Variants in ZC3H11A observed in about 807,000 individuals in gnomAD.
ZC3H11A encodes zinc finger CCCH domain-containing protein 11A.
Under a neutral mutation model 90.8 loss-of-function variants are expected in ZC3H11A, and 22 were observed. The ratio of observed to expected loss-of-function variants is 0.24; its 90% CI spans 0.17 to 0.35. ZC3H11A has a LOEUF of 0.35. Ranked by LOEUF, ZC3H11A falls within the 10% of genes least tolerant of loss-of-function variation. The pLI, the probability that ZC3H11A is intolerant of heterozygous loss-of-function variation, is 1.00. For synonymous variants in ZC3H11A, 294 were observed against 339.8 expected, an observed-to-expected ratio of 0.87 and a Z score of 1.48; for missense variants, 701 against 964.9, an observed-to-expected ratio of 0.73 and a Z score of 3.62.
At position 203,831,704 on chromosome 1, in the gene ZC3H11A, C is replaced by T. The variant is rs144917996; in HGVS notation, c.744C>T (p.Pro248=). The T allele has an allele frequency of 2.9e-4, 463 of 1,613,218 alleles. No homozygotes were observed. In the African/African-American group the frequency reaches 5.2e-3, roughly 18 times the overall value. The change falls in exon 9 of 18, where the codon CCC becomes CCT. Residue 248 remains proline, a synonymous_variant. Coordinates refer to ENST00000367210, the MANE Select transcript of ZC3H11A (RefSeq NM_001376342.1). The part of the protein sequence containing the change: ...GVSSLLLHPE[P]VPGPEKENVR... Reference sequence around the variant, plus strand: ...CCAGTCTTTTACTCCACCCTGAGCCCGTTCCAGGTCCTGAAAAAGAAAATG... The same window carrying T: ...CCAGTCTTTTACTCCACCCTGAGCCTGTTCCAGGTCCTGAAAAAGAAAATG...
At chr1:203,844,045 C>G (rs59665117) in intron 12 of ZC3H11A, among the ~76,000 whole-genome samples, 2 of 151,870 alleles carry the variant, frequency 1.3e-5, no homozygotes, top group African/African-American at 4.8e-5. Context: ...TTAGTAGAAA[C>G]GGGGCTTCTC....
intron 4 of ZC3H11A, among the ~76,000 whole-genome samples, chr1:203,820,273 CAT>C (rs1248897158): frequency 2.6e-5 from 4 of 151,364 alleles, no homozygotes; most frequent in African/African-American, 9.7e-5. Flanking sequence ...AAGTGTTGCA[CAT>C]AGTTGTCACG....
In ZC3H11A at chr1:203,803,008, C is replaced by A. The variant is rs930606342; in HGVS notation, c.-154C>A. 6 of 152,488 alleles carry A rather than the reference C, an allele frequency of 3.9e-5. No individual in the cohort carries two copies. The highest frequency in any genetic ancestry group is 1.5e-4 in the African/African-American group (6 of 41,378). The allele number at this position is 152,488 out of a possible 1,614,324, so 9.4% of individuals were successfully genotyped here. A position where few individuals can be genotyped will look rare whatever the true frequency, so the allele number is the denominator to read the frequency against. On this transcript the variant is annotated 5_prime_UTR_variant, in exon 2 of 18. Coordinates refer to ENST00000367210, the MANE Select transcript of ZC3H11A (RefSeq NM_001376342.1). The stretch of plus-strand genomic sequence containing the variant: ...ACACAGATGTTCCTGTTCAGAGCAA[C>A]CAGCTAATGTAAGTGGGGAAGCAGG...
chr1:203,848,305 T>A, intron 13 of ZC3H11A, 26 bp from the exon 14 acceptor site: 1 of 1,577,148 alleles, frequency 6.3e-7, no homozygotes, highest in Non-Finnish European at 8.6e-7. Flanking sequence ...ATAAAATAAC[T>A]AATGATGTCT....
chr1:203,807,184 T>C (rs1672683432), intron 2 of ZC3H11A, among the ~76,000 whole-genome samples: 1 of 152,222 alleles, frequency 6.6e-6, no homozygotes, highest in Admixed American at 6.5e-5. Flanking sequence ...CATGTTACTA[T>C]TTTAATATAC....
chr1:203,839,340 C>T (rs186130465), intron 11 of ZC3H11A, among the ~76,000 whole-genome samples: 23 of 152,318 alleles, frequency 1.5e-4, no homozygotes, highest in Non-Finnish European at 2.4e-4. Flanking sequence ...TTGCGCCCCT[C>T]AGGGAATTAG....
chr1:203,846,703 A>T (rs1687995124), intron 12 of ZC3H11A, among the ~76,000 whole-genome samples: 1 of 152,234 alleles, frequency 6.6e-6, no homozygotes, highest in Non-Finnish European at 1.5e-5. Flanking sequence ...GTTAAGATTT[A>T]TAATGACAAA....
intron 12 of ZC3H11A, among the ~76,000 whole-genome samples, chr1:203,846,909 C>T (rs1056461366): frequency 6.6e-6 from 1 of 151,530 alleles, no homozygotes; most frequent in African/African-American, 2.4e-5. Context: ...GAGGCTGAGG[C>T]AGGAGAATCA....
rs1406739920 is a variant in ZC3H11A, at chr1:203,853,450, T to A, written c.*1051T>A. ...CAGTTTTCTTCATTTCTGAATTGAG[T>A]TTTCTTTTCTTGATGTTGGTTTCCT... is the stretch of plus-strand genomic sequence containing the variant. On this transcript the variant is annotated 3_prime_UTR_variant, in exon 18 of 18. Coordinates refer to ENST00000367210, the MANE Select transcript of ZC3H11A (RefSeq NM_001376342.1). 2 of 152,508 alleles carry A rather than the reference T, an allele frequency of 1.3e-5. No homozygotes were observed. The highest frequency in any genetic ancestry group is 6.6e-5 in the Admixed American group (1 of 15,260). The allele number at this position is 152,508 out of a possible 1,614,324, so 9.4% of individuals were successfully genotyped here.
At chr1:203,835,464 T>C (rs1391213407) in intron 10 of ZC3H11A, 1 of 155,122 alleles carries the variant, frequency 6.4e-6, no homozygotes, top group Non-Finnish European at 1.4e-5. Context: ...TAGAAATCTC[T>C]TCTAGCTGTA....
chr1:203,849,981 T>C lies in ZC3H11A; in HGVS notation c.1894T>C (p.Leu632=), dbSNP rs1688870919. ...AACCTCAGGGATTGGAGACTCATTA[T>C]TGAATGTGAAATGTGCAGCACAGAC... ...VETSGIGDSL[L]NVKCAAQTLE... Residue 632 remains leucine, a synonymous_variant, in exon 15 of 18, where the codon TTG becomes CTG. Transcript: ENST00000367210. 3 of 1,614,032 alleles carry C rather than the reference T, an allele frequency of 1.9e-6. No homozygotes were observed. Among genetic ancestry groups the C allele is most frequent in the Non-Finnish European group, 2.5e-6 (3 of 1,179,998 alleles).
At position 203,852,711 on chromosome 1, in the gene ZC3H11A, C is replaced by G. The variant is rs1689559079; in HGVS notation, c.*312C>G. The stretch of plus-strand genomic sequence containing the variant: ...GAAAGGGTGCAAGCGAACTTAGTGA[C>G]TCCTTGAGGTGTTTGTCAGTTTTGG... On this transcript the variant is annotated 3_prime_UTR_variant, in exon 18 of 18. Transcript: ENST00000367210. 1 of 355,584 alleles carries G rather than the reference C, an allele frequency of 2.8e-6. No individual in the cohort carries two copies. Among genetic ancestry groups the G allele is most frequent in the Non-Finnish European group, 5.2e-6 (1 of 193,916 alleles). The allele number at this position is 355,584 out of a possible 1,614,324, so 22.0% of individuals were successfully genotyped here. A position where few individuals can be genotyped will look rare whatever the true frequency, so the allele number is the denominator to read the frequency against.
chr1:203,837,011 G>C (rs1226901662), intron 10 of ZC3H11A, among the ~76,000 whole-genome samples: 1 of 152,116 alleles, frequency 6.6e-6, no homozygotes, highest in Non-Finnish European at 1.5e-5. Flanking sequence ...GACCAGTTAA[G>C]ATTTTTGGGG....
rs534820050 is a variant in ZC3H11A at position 203,834,185 on chromosome 1, G to T, written c.874+332G>T. 1.6e-5 allele frequency: 10 copies of T among 619,146 alleles called. No homozygotes were observed. In the South Asian group the frequency reaches 6.4e-4, roughly 40 times the overall value. The allele number at this position is 619,146 out of a possible 1,614,324, so 38.4% of individuals were successfully genotyped here. ...AAAATGATTGGTTAATATAATGTGT[G>T]TCTCTTAGAATACAGGAATCCCTAA... On this transcript the variant is annotated intron_variant, in intron 10 of 17. Transcript: ENST00000367210.
chr1:203,822,758 A>G (rs543228890), intron 4 of ZC3H11A, among the ~76,000 whole-genome samples: 4 of 152,214 alleles, frequency 2.6e-5, no homozygotes, highest in South Asian at 4.2e-4. Context: ...GTGGGTTCCA[A>G]CACCCTATGC....
Position 203,817,024 on chromosome 1 carries a change from A to T in ZC3H11A, c.-47A>T, listed in dbSNP as rs3753589. ...AGCCTGGTCCTTGCTTTGAGGAAGC[A>T]GTGGCTTGTTTCAAGAAGCCACTTC... On this transcript the variant is annotated 5_prime_UTR_variant, in exon 3 of 18. Transcript: ENST00000367210. The T allele has an allele frequency of 6.9e-7, 1 of 1,446,822 alleles. No individual in the cohort carries two copies. The highest frequency in any genetic ancestry group is 9.5e-7 in the Non-Finnish European group (1 of 1,049,858). 89.6% of individuals were successfully genotyped at this position (1,446,822 alleles called of 1,614,324 possible). A position where few individuals can be genotyped will look rare whatever the true frequency, so the allele number is the denominator to read the frequency against.
chr1:203,846,349 A>G (rs933716471), intron 12 of ZC3H11A, among the ~76,000 whole-genome samples: 1 of 152,160 alleles, frequency 6.6e-6, no homozygotes, highest in African/African-American at 2.4e-5. Flanking sequence ...AGAACGATTA[A>G]TGTATCATTG....
chr1:203,839,144 T>G (rs1685298590), intron 11 of ZC3H11A, among the ~76,000 whole-genome samples: 1 of 152,022 alleles, frequency 6.6e-6, no homozygotes, highest in African/African-American at 2.4e-5. Context: ...TGGCATAGAT[T>G]TGGTATTTTG....
intron 10 of ZC3H11A, 136 bp from the exon 11 acceptor site, chr1:203,837,830 G>C: frequency 1.3e-6 from 1 of 772,056 alleles, no homozygotes; most frequent in Non-Finnish European, 2.1e-6. Flanking sequence ...GAACTCTAAG[G>C]AAGCTGGTGA....
Sources: allele counts gnomAD v4.1 joint callset (sites outside exome capture counted in the v4.1 genomes callset), GRCh38; gene constraint gnomAD v4.1.1; transcripts MANE v1.5; gene names NCBI Gene and HGNC (gene_info 2026-07-23, HGNC 2026-07-21).